Variants in ABTB3 observed in about 807,000 individuals in gnomAD.
ABTB3 encodes ankyrin repeat and BTB domain containing 3.
the ABTB3 span, among the ~76,000 whole-genome samples, chr12:107,385,744 AC>A: frequency 2.9e-4 from 44 of 151,768 alleles, no homozygotes; most frequent in East Asian, 3.9e-3. Context: ...AGCTACGTGC[AC>A]CCCCCCAAGC....
chr12:107,607,890 C>T, the ABTB3 span, among the ~76,000 whole-genome samples: 1 of 152,196 alleles, frequency 6.6e-6, no homozygotes, highest in African/African-American at 2.4e-5. Context: ...TGGTCGTTCA[C>T]TCCTCAGCTA....
chr12:107,334,375 G>T, the ABTB3 span, among the ~76,000 whole-genome samples: 1 of 152,176 alleles, frequency 6.6e-6, no homozygotes. Context: ...GATTCACCAA[G>T]CTCCTGTTGA....
At chr12:107,539,000 G>A in the ABTB3 span, among the ~76,000 whole-genome samples, 1 of 152,224 alleles carries the variant, frequency 6.6e-6, no homozygotes, top group African/African-American at 2.4e-5. Context: ...CCCACATTGT[G>A]TGTCCAACTC....
At chr12:107,615,030 C>T in the ABTB3 span, 2 of 1,576,904 alleles carry the variant, frequency 1.3e-6, no homozygotes, top group Admixed American at 1.7e-5. Context: ...GTGAAGGTCA[C>T]ATTTTGAAAA....
At chr12:107,635,399 T>A in the ABTB3 span, 3 of 1,610,952 alleles carry the variant, frequency 1.9e-6, no homozygotes, top group Non-Finnish European at 1.7e-6. Flanking sequence ...GGGTGAGTGG[T>A]TCCCCCAGGC....
At chr12:107,581,157 T>G in the ABTB3 span, 1 of 1,531,738 alleles carries the variant, frequency 6.5e-7, no homozygotes, top group Non-Finnish European at 8.8e-7. Flanking sequence ...CGCAGGCCCT[T>G]CCTCGTGCTG....
the ABTB3 span, among the ~76,000 whole-genome samples, chr12:107,454,401 G>A: frequency 6.6e-6 from 1 of 152,234 alleles, no homozygotes; most frequent in African/African-American, 2.4e-5. Flanking sequence ...CATGAAGCTG[G>A]TTTTGCTCCT....
At chr12:107,504,940 C>A in the ABTB3 span, among the ~76,000 whole-genome samples, 4 of 152,276 alleles carry the variant, frequency 2.6e-5, no homozygotes, top group East Asian at 7.7e-4. Context: ...TTCTTTAACA[C>A]TTAGTAATCT....
At chr12:107,486,560 A>G in the ABTB3 span, 1 of 152,096 alleles carries the variant, frequency 6.6e-6, no homozygotes, top group African/African-American at 2.4e-5. Flanking sequence ...CCTTCCAAGT[A>G]TTAATCAGGC....
chr12:107,544,623 G>C, the ABTB3 span, among the ~76,000 whole-genome samples: 1 of 152,212 alleles, frequency 6.6e-6, no homozygotes, highest in East Asian at 1.9e-4. Flanking sequence ...TCCTCATGGG[G>C]AAGGAAGGAA....
the ABTB3 span, among the ~76,000 whole-genome samples, chr12:107,450,283 A>T: frequency 1.3e-5 from 2 of 152,172 alleles, no homozygotes; most frequent in African/African-American, 4.8e-5. Context: ...GGCAAGGGAA[A>T]GCTTCCCCTT....
At chr12:107,336,993 C>T in the ABTB3 span, among the ~76,000 whole-genome samples, 25 of 152,238 alleles carry the variant, frequency 1.6e-4, no homozygotes, top group Admixed American at 6.5e-4. Flanking sequence ...CCCTGAACAA[C>T]GCTCCTTTTC....
the ABTB3 span, among the ~76,000 whole-genome samples, chr12:107,463,021 T>C: frequency 6.6e-6 from 1 of 151,774 alleles, no homozygotes; most frequent in African/African-American, 2.4e-5. Context: ...ATAATGGTAG[T>C]GATAGTGATG....
At chr12:107,378,862 G>A in the ABTB3 span, among the ~76,000 whole-genome samples, 9 of 152,284 alleles carry the variant, frequency 5.9e-5, no homozygotes, top group South Asian at 6.2e-4. Context: ...TTCCCTAAGA[G>A]GCTGTAAAAT....
At chr12:107,627,726 G>T in the ABTB3 span, among the ~76,000 whole-genome samples, 1 of 152,154 alleles carries the variant, frequency 6.6e-6, no homozygotes, top group Non-Finnish European at 1.5e-5. Flanking sequence ...AGGAACCTTG[G>T]AAATCATCTA....
At chr12:107,319,028 C>A in the ABTB3 span, 1 of 1,613,556 alleles carries the variant, frequency 6.2e-7, no homozygotes, top group Non-Finnish European at 8.5e-7. Context: ...GGACTCGGTG[C>A]GCTCCTCCAA....
At chr12:107,321,304 C>G in the ABTB3 span, among the ~76,000 whole-genome samples, 2 of 152,214 alleles carry the variant, frequency 1.3e-5, no homozygotes, top group East Asian at 3.9e-4. Context: ...AGTCTGTGTG[C>G]GCGCGCGTCT....
the ABTB3 span, among the ~76,000 whole-genome samples, chr12:107,655,154 C>T: frequency 6.6e-6 from 1 of 152,150 alleles, no homozygotes; most frequent in African/African-American, 2.4e-5. Context: ...CAGGCAGCTT[C>T]TGTAGCATAT....
chr12:107,439,210 C>G, the ABTB3 span, among the ~76,000 whole-genome samples: 1 of 151,732 alleles, frequency 6.6e-6, no homozygotes, highest in Admixed American at 6.6e-5. Flanking sequence ...TTTTCTTCTT[C>G]TAGAATTTAA....
Sources: allele counts gnomAD v4.1 joint callset (sites outside exome capture counted in the v4.1 genomes callset), GRCh38; gene constraint gnomAD v4.1.1; transcripts MANE v1.5; gene names NCBI Gene and HGNC (gene_info 2026-07-23, HGNC 2026-07-21).